Variants in KIAA1549 observed in about 807,000 individuals in gnomAD.
KIAA1549 encodes UPF0606 protein KIAA1549.
In KIAA1549, 70 loss-of-function variants were observed where a neutral mutation model predicts 156.4. That is an observed-to-expected ratio of 0.45 (90% CI 0.37 to 0.55). The LOEUF (loss-of-function observed/expected upper bound fraction) is 0.55. Among genes scored for constraint, KIAA1549 ranks in the 20% least tolerant of loss-of-function variants. The pLI, the probability that KIAA1549 is intolerant of heterozygous loss-of-function variation, is 0.00. For synonymous variants in KIAA1549, 1,103 were observed against 1,066.4 expected, an observed-to-expected ratio of 1.03 and a Z score of -0.67; for missense variants, 2,428 against 2,540.9, an observed-to-expected ratio of 0.96 and a Z score of 0.96.
intron 1 of KIAA1549, among the ~76,000 whole-genome samples, 182 bp downstream of exon 1, chr7:138,980,897 ATTAT>A (rs955749392): frequency 7.9e-5 from 12 of 152,194 alleles, no homozygotes; most frequent in African/African-American, 2.2e-4. Context: ...GTTCGTTTTA[ATTAT>A]TTATTTCCCC....
In KIAA1549 at chr7:138,923,819, T is replaced by G. The variant is rs139190703; in HGVS notation, c.188-4381A>C. On this transcript the variant is annotated intron_variant, in intron 1 of 19. Coordinates refer to ENST00000422774, the MANE Select transcript of KIAA1549 (RefSeq NM_001164665.2). ...TTAAGACAAAATTCTGTGAATAGAT[T>G]TTTGTTTCTACATACCAAAATTTGT... Among the ~76,000 whole-genome samples the G allele has an allele frequency of 7.8e-3, 1,195 of 152,272 alleles. 21 individuals carry two copies. Among genetic ancestry groups the G allele is most frequent in the African/African-American group, 0.027 (1,127 of 41,550 alleles).
At chr7:138,898,659 A>T (rs576643781) in intron 9 of KIAA1549, among the ~76,000 whole-genome samples, 13 of 152,358 alleles carry the variant, frequency 8.5e-5, no homozygotes, top group South Asian at 8.3e-4. Context: ...CAAAATTTAT[A>T]AAAAAAGTAG....
chr7:138,960,869 C>T (rs566864770), intron 1 of KIAA1549, among the ~76,000 whole-genome samples: 12 of 152,344 alleles, frequency 7.9e-5, no homozygotes, highest in African/African-American at 2.6e-4. Flanking sequence ...TATTATGAAG[C>T]AAAGTCTCCA....
intron 1 of KIAA1549, among the ~76,000 whole-genome samples, chr7:138,933,364 T>G (rs924373941): frequency 1.3e-5 from 2 of 152,144 alleles, no homozygotes; most frequent in South Asian, 4.1e-4. Flanking sequence ...CCAGGGATAT[T>G]GTACAAAAGA....
At position 138,916,816 on chromosome 7, in the gene KIAA1549, G is replaced by A. The variant is rs770358918; in HGVS notation, c.2810C>T (p.Thr937Ile). ...FTLEATVDTP[T>I]LATAKPPYVC... ...ATATGGCGGCTTGGCAGTAGCCAGT[G>A]TTGGTGTGTCGACTGTTGCTTCGAG... The change falls in exon 2 of 20, where the codon ACA becomes ATA. Residue 937 changes from threonine to isoleucine, a missense_variant. Physicochemically the swap from Thr to Ile is moderately conservative, Grantham distance 89. Around this residue, in one of 5 missense-constraint regions of KIAA1549, gnomAD observed 762 missense variants for 901.6 expected, o/e 0.85. Coordinates refer to ENST00000422774, the MANE Select transcript of KIAA1549 (RefSeq NM_001164665.2). The A allele has an allele frequency of 1.4e-5, 22 of 1,613,994 alleles. No individual in the cohort carries two copies. The South Asian group carries it at 2.1e-4, about 15-fold the overall frequency.
chr7:138,896,458 T>A (rs998385107), intron 9 of KIAA1549, among the ~76,000 whole-genome samples: 1 of 152,248 alleles, frequency 6.6e-6, no homozygotes, highest in Non-Finnish European at 1.5e-5. Context: ...TTGTGTTTTT[T>A]AATTTGGGCT....
intron 1 of KIAA1549, among the ~76,000 whole-genome samples, chr7:138,965,807 C>A (rs10227541): frequency 0.22 from 32,940 of 152,096 alleles, 4,387 homozygotes; most frequent in African/African-American, 0.37. Flanking sequence ...TAATTTATAC[C>A]TTCTTTGTAC....
In KIAA1549 at chr7:138,835,235, CA is replaced by C. The variant is rs910218780; in HGVS notation, c.*2670del. 11 of 214,806 alleles carry C rather than the reference CA, an allele frequency of 5.1e-5. No individual in the cohort carries two copies. The highest frequency in any genetic ancestry group is 9.4e-5 in the Non-Finnish European group (10 of 106,424). The allele number at this position is 214,806 out of a possible 1,614,324, so 13.3% of individuals were successfully genotyped here. On this transcript the variant is annotated 3_prime_UTR_variant, in exon 20 of 20. Coordinates refer to ENST00000422774, the MANE Select transcript of KIAA1549 (RefSeq NM_001164665.2). ...AGTTTTTTCTGAGTTTGGTGACTGG[CA>C]AAACTGTTGTGGCAGGCGTCGAGAG...
intron 1 of KIAA1549, among the ~76,000 whole-genome samples, chr7:138,946,280 T>C (rs1272288682): frequency 6.6e-6 from 1 of 152,200 alleles, no homozygotes; most frequent in African/African-American, 2.4e-5. Flanking sequence ...TATGTAAGCC[T>C]TAGTTGATTT....
intron 16 of KIAA1549, among the ~76,000 whole-genome samples, chr7:138,860,754 T>C (rs920596848): frequency 1.3e-5 from 2 of 152,112 alleles, no homozygotes; most frequent in African/African-American, 4.8e-5. Context: ...ACTCAACAAC[T>C]TGGATACATT....
Position 138,870,603 on chromosome 7 carries a change from T to G in KIAA1549, c.4551+554A>C, listed in dbSNP as rs146802178. The stretch of plus-strand genomic sequence containing the variant: ...GGAGGATCAGAAGCTGAAGTGGCTC[T>G]TTCTGAGGAGGGCAGCCCCTGGTCG... On this transcript the variant is annotated intron_variant, in intron 13 of 19. Transcript: ENST00000422774. 8.8e-3 allele frequency among the ~76,000 whole-genome samples: 1,337 copies of G among 151,964 alleles called. 7 individuals are homozygous for G. The highest frequency in any genetic ancestry group is 0.014 in the Middle Eastern group (4 of 294).
At chr7:138,846,883 G>C (rs11766933) in intron 17 of KIAA1549, among the ~76,000 whole-genome samples, 24,393 of 152,208 alleles carry the variant, frequency 0.16, 2,065 homozygotes, top group African/African-American at 0.18. Context: ...GTTATTTCTA[G>C]AGTATATCTC....
At position 138,861,411 on chromosome 7, in the gene KIAA1549, C is replaced by G; in HGVS notation, c.4975G>C (p.Glu1659Gln). 1.2e-6 allele frequency: 2 copies of G among 1,612,220 alleles called. No individual in the cohort carries two copies. Among genetic ancestry groups the G allele is most frequent in the Non-Finnish European group, 1.7e-6 (2 of 1,179,358 alleles). ...GGAAGGGCTGGATACCTCCCCAGTT[C>G]CACCGAGGATGGTGTCTGCACATCG... ...PADVQTPSSV[E>Q]LGRYPALPFP... Residue 1659 changes from glutamate (E) to glutamine (Q), a missense_variant, in exon 16 of 20, where the codon GAA becomes CAA. By Grantham distance (29) the Glu-to-Gln change is conservative. Coordinates refer to ENST00000422774, the MANE Select transcript of KIAA1549 (RefSeq NM_001164665.2).
intron 1 of KIAA1549, among the ~76,000 whole-genome samples, chr7:138,964,947 T>C (rs543730062): frequency 6.6e-6 from 1 of 150,972 alleles, no homozygotes; most frequent in African/African-American, 2.5e-5. Context: ...TAGCAGTGTT[T>C]TTTTTCTTTG....
intron 8 of KIAA1549, 164 bp from the exon 9 acceptor site, chr7:138,899,296 A>T: frequency 1.5e-6 from 1 of 670,086 alleles, no homozygotes. Flanking sequence ...CTCTCTGTTG[A>T]TGGGAAGAGG....
At chr7:138,971,761 T>A (rs1814227733) in intron 1 of KIAA1549, among the ~76,000 whole-genome samples, 1 of 152,182 alleles carries the variant, frequency 6.6e-6, no homozygotes, top group African/African-American at 2.4e-5. Context: ...GGAAAGATCT[T>A]CTCGGTCCCT....
At position 138,837,936 on chromosome 7, in the gene KIAA1549, T is replaced by C; in HGVS notation, c.5823A>G (p.Lys1941=). ...TGTGGAAGTTCTGCACGGTGCTCTG[T>C]TTCTGGGAGAGCCGGAGGAGCTCCT... ...IREELLRLSQ[K]QSTVQNFHS Residue 1941 remains lysine (K), a synonymous_variant, in exon 20 of 20, where the codon AAA becomes AAG. Coordinates refer to ENST00000422774, the MANE Select transcript of KIAA1549 (RefSeq NM_001164665.2). The C allele has an allele frequency of 1.9e-6, 3 of 1,613,856 alleles. No homozygotes were observed. Among genetic ancestry groups the C allele is most frequent in the Admixed American group, 1.7e-5 (1 of 60,032 alleles).
chr7:138,860,476 T>G (rs760997319), intron 16 of KIAA1549, among the ~76,000 whole-genome samples: 24 of 152,234 alleles, frequency 1.6e-4, no homozygotes, highest in Non-Finnish European at 2.9e-5. Context: ...GAGTCAAACC[T>G]TAGTCCAATC....
At chr7:138,848,710 C>G (rs1309799470) in intron 17 of KIAA1549, among the ~76,000 whole-genome samples, 1 of 152,072 alleles carries the variant, frequency 6.6e-6, no homozygotes, top group African/African-American at 2.4e-5. Context: ...GAGAAGTGTT[C>G]TTTTTCTATT....
Sources: allele counts gnomAD v4.1 joint callset (sites outside exome capture counted in the v4.1 genomes callset), GRCh38; gene constraint gnomAD v4.1.1; regional missense constraint gnomAD v4.1.1; transcripts MANE v1.5; gene names NCBI Gene and HGNC (gene_info 2026-07-23, HGNC 2026-07-21).